Variants in SLC11A1 observed in about 807,000 individuals in gnomAD.
SLC11A1 encodes the protein solute carrier family 11 member 1.
In SLC11A1, 59 loss-of-function variants were observed where a neutral mutation model predicts 63.2. The ratio of observed to expected loss-of-function variants is 0.93; its 90% confidence interval spans 0.76 to 1.16. The LOEUF (loss-of-function observed/expected upper bound fraction) is 1.16, where lower values mean the gene tolerates loss of function less well. SLC11A1 is among the 50% of genes most tolerant of loss of function. The pLI, the probability that SLC11A1 is intolerant of heterozygous loss-of-function variation, is 0.00. For missense variants in SLC11A1, 688 were observed against 730.7 expected (o/e 0.94, Z 0.67); for synonymous variants, 305 against 307.8 (o/e 0.99, Z 0.09).
At position 218,387,473 on chromosome 2, in the gene SLC11A1, C is replaced by T. The variant is rs1696165373; in HGVS notation, c.572-92C>T. The T allele has an allele frequency of 6.8e-6, 9 of 1,328,338 alleles. No individual in the cohort carries two copies. In the South Asian group the frequency reaches 8.6e-5, roughly 13 times the overall value. The allele number at this position is 1,328,338 out of a possible 1,614,324, so 82.3% of individuals were successfully genotyped here. The stretch of plus-strand genomic sequence containing the variant: ...CATATGTTAAGCACTTGGCACTGTG[C>T]CTAGAAGCGCTCGTAGTATTAGCCA... On this transcript the variant is annotated intron_variant, in intron 6 of 14. Transcript: ENST00000233202.
rs903422554 is a variant in SLC11A1 at position 218,383,060 on chromosome 2, G to A, written c.108G>A (p.Glu36=). ...SPGPQQAPPR[E]TYLSEKIPIP... is the part of the protein sequence containing the mutation. ...GGCCACAGCAAGCACCTCCCAGAGA[G>A]ACCTACCTGAGTGAGAAGATCCCCA... The change falls in exon 2 of 15, where the codon GAG becomes GAA. Residue 36 remains glutamate, a synonymous_variant. Transcript: ENST00000233202. 1.2e-6 allele frequency: 2 copies of A among 1,614,036 alleles called. No homozygotes were observed. Among genetic ancestry groups the A allele is most frequent in the East Asian group, 4.5e-5 (2 of 44,866 alleles).
At position 218,391,636 on chromosome 2, in the gene SLC11A1, G is replaced by A; in HGVS notation, c.1164+141G>A. The A allele has an allele frequency of 2.6e-6, 3 of 1,162,042 alleles. No homozygotes were observed. The South Asian group carries it at 5.0e-5, about 19-fold the overall frequency. 72.0% of individuals were successfully genotyped at this position (1,162,042 alleles called of 1,614,324 possible). ...TTTTTTTGTTTTTGTTTTTGTTGTT[G>A]TTGTTGAGACGGAGTCTCGCTCTTG... On this transcript the variant is annotated intron_variant, in intron 11 of 14. Coordinates refer to ENST00000233202, the MANE Select transcript of SLC11A1 (RefSeq NM_000578.4).
At chr2:218,386,974 C>T (rs2106331283) in intron 5 of SLC11A1, 186 bp from the exon 6 acceptor site, 2 of 656,636 alleles carry the variant, frequency 3.0e-6, no homozygotes, top group Non-Finnish European at 2.7e-6. Flanking sequence ...GGTGCCAGGT[C>T]TCTCCTCTAG....
At chr2:218,382,911 G>A (rs375703624) in intron 1 of SLC11A1, 49 bp from the exon 2 acceptor site, 2 of 1,611,788 alleles carry the variant, frequency 1.2e-6, no homozygotes, top group African/African-American at 2.7e-5. Context: ...TTAACTCTGG[G>A]CCACCAGAAA....
At position 218,383,017 on chromosome 2, in the gene SLC11A1, C is replaced by A; in HGVS notation, c.65C>A (p.Thr22Asn). 6.2e-7 allele frequency: 1 copy of A among 1,612,912 alleles called. No individual in the cohort carries two copies. Among genetic ancestry groups the A allele is most frequent in the Non-Finnish European group, 8.5e-7 (1 of 1,179,996 alleles). The change falls in exon 2 of 15, where the codon ACC (threonine) becomes AAC (asparagine). Residue 22 changes from threonine to asparagine, a missense_variant. By Grantham distance (65) the Thr-to-Asn change is moderately conservative. Transcript: ENST00000233202. ...AGCTATGGTTCCATCTCCAGCCCGA[C>A]CAGCCCGACCAGCCCAGGGCCACAG... ...GSSYGSISSPTSPTSPGPQQA... is the reference protein window; with the variant it reads ...GSSYGSISSPNSPTSPGPQQA...
Position 218,393,039 on chromosome 2 carries a change from C to T in SLC11A1, c.1223C>T (p.Ala408Val). The change falls in exon 12 of 15, where the codon GCC becomes GTC. Residue 408 changes from alanine to valine, a missense_variant. Coordinates refer to ENST00000233202, the MANE Select transcript of SLC11A1 (RefSeq NM_000578.4). Reference protein sequence around the residue: ...FARVLLTRSCAILPTVLVAVF... With the variant: ...FARVLLTRSCVILPTVLVAVF... Reference sequence around the variant, plus strand: ...CGTGTCCTCCTCACCCGCTCCTGCGCCATCCTGCCCACCGTGCTCGTGGCT... The same window carrying T: ...CGTGTCCTCCTCACCCGCTCCTGCGTCATCCTGCCCACCGTGCTCGTGGCT... 1 of 1,600,594 alleles carries T rather than the reference C, an allele frequency of 6.2e-7. No homozygotes were observed.
In SLC11A1 at chr2:218,394,106, G is replaced by A; in HGVS notation, c.1315-14G>A. On this transcript the variant is annotated splice_polypyrimidine_tract_variant and intron_variant, in intron 12 of 14. Coordinates refer to ENST00000233202, the MANE Select transcript of SLC11A1 (RefSeq NM_000578.4). Reference sequence around the variant, plus strand: ...GCAGAATTCCTCAGCCTAGGCTCCTGCTGCTCTCCCCAGCTCCCGTTCGCC... The same window carrying A: ...GCAGAATTCCTCAGCCTAGGCTCCTACTGCTCTCCCCAGCTCCCGTTCGCC... 1.2e-6 allele frequency: 2 copies of A among 1,613,928 alleles called. No homozygotes were observed. Among genetic ancestry groups the A allele is most frequent in the Non-Finnish European group, 1.7e-6 (2 of 1,179,882 alleles).
In SLC11A1 at chr2:218,396,544, CCT is replaced by C. The variant is rs1344417093; in HGVS notation, c.*1512_*1513del. 2.0e-5 allele frequency: 3 copies of C among 152,504 alleles called. No individual in the cohort carries two copies. Among genetic ancestry groups the C allele is most frequent in the Middle Eastern group, 3.4e-3 (1 of 294 alleles). The allele number at this position is 152,504 out of a possible 1,614,324, so 9.4% of individuals were successfully genotyped here. On this transcript the variant is annotated 3_prime_UTR_variant, in exon 15 of 15. Coordinates refer to ENST00000233202, the MANE Select transcript of SLC11A1 (RefSeq NM_000578.4). ...GGACGCTTGTTTATGAGAAGAATTT[CCT>C]CTTTCTTAAAAGGGCAACGATGCGA...
At chr2:218,386,174 C>T (rs1350102690) in intron 4 of SLC11A1, among the ~76,000 whole-genome samples, 1 of 152,192 alleles carries the variant, frequency 6.6e-6, no homozygotes, top group Non-Finnish European at 1.5e-5. Context: ...TTATCTCAGC[C>T]TGGGGCGGTG....
intron 5 of SLC11A1, 35 bp downstream of exon 5, chr2:218,386,776 G>C (rs761891303): frequency 6.7e-7 from 1 of 1,503,704 alleles, no homozygotes; most frequent in East Asian, 2.3e-5. Flanking sequence ...CTTCAGGCCA[G>C]GCAGAGAACA....
At chr2:218,389,498 A>G (rs1696301565) in intron 8 of SLC11A1, among the ~76,000 whole-genome samples, 1 of 152,174 alleles carries the variant, frequency 6.6e-6, no homozygotes, top group Non-Finnish European at 1.5e-5. Flanking sequence ...GGCTGCAGTG[A>G]GCCATGCATT....
chr2:218,393,181 C>T lies in SLC11A1; in HGVS notation c.1314+51C>T, dbSNP rs140526013. On this transcript the variant is annotated intron_variant, in intron 12 of 14. Coordinates refer to ENST00000233202, the MANE Select transcript of SLC11A1 (RefSeq NM_000578.4). ...CTGCCCACTGCTGAGCGAAACAGGA[C>T]CTCCAGCAACCCCCACGCTGAGCCT... is the stretch of plus-strand genomic sequence containing the variant. The T allele has an allele frequency of 8.6e-3, 12,574 of 1,454,146 alleles. 75 individuals carry two copies. The highest frequency in any genetic ancestry group is 0.016 in the South Asian group (1,142 of 71,564). The allele number at this position is 1,454,146 out of a possible 1,614,324, so 90.1% of individuals were successfully genotyped here. A position where few individuals can be genotyped will look rare whatever the true frequency, so the allele number is the denominator to read the frequency against.
intron 6 of SLC11A1, 122 bp from the exon 7 acceptor site, chr2:218,387,443 G>A: frequency 1.9e-6 from 2 of 1,046,242 alleles, no homozygotes; most frequent in Non-Finnish European, 2.9e-6. Flanking sequence ...GACTGAGTGA[G>A]GTAACATATG....
chr2:218,384,538 G>GT lies in SLC11A1; in HGVS notation c.273+174dup. ...CCCTGCCAGAAGGTGGGGCATTTGT[G>GT]TGGGGGGTAGGGGACTGGACTCCTC... On this transcript the variant is annotated intron_variant, in intron 3 of 14. Transcript: ENST00000233202. The surrounding 1 kb of genome is among the most constrained non-coding windows in gnomAD (Gnocchi z 4.0). 1 of 497,840 alleles carries GT rather than the reference G, an allele frequency of 2.0e-6. No individual in the cohort carries two copies. The highest frequency in any genetic ancestry group is 3.4e-5 in the South Asian group (1 of 29,026). The allele number at this position is 497,840 out of a possible 1,614,324, so 30.8% of individuals were successfully genotyped here.
In SLC11A1 at chr2:218,384,500, G is replaced by A. The variant is rs1465288907; in HGVS notation, c.273+135G>A. Reference sequence around the variant, plus strand: ...TTAAGTTCAAATGGGCCCGAAAAGGGTCCCCAGGGCAGCCCTGCCAGAAGG... The same window carrying A: ...TTAAGTTCAAATGGGCCCGAAAAGGATCCCCAGGGCAGCCCTGCCAGAAGG... On this transcript the variant is annotated intron_variant, in intron 3 of 14. Coordinates refer to ENST00000233202, the MANE Select transcript of SLC11A1 (RefSeq NM_000578.4). The surrounding 1 kb of genome is among the most constrained non-coding windows in gnomAD (Gnocchi z 4.0). 3 of 1,097,530 alleles carry A rather than the reference G, an allele frequency of 2.7e-6. No homozygotes were observed. The highest frequency in any genetic ancestry group is 1.6e-5 in the African/African-American group (1 of 63,652). 68.0% of individuals were successfully genotyped at this position (1,097,530 alleles called of 1,614,324 possible).
intron 4 of SLC11A1, among the ~76,000 whole-genome samples, chr2:218,386,176 G>A (rs1022255046): frequency 1.3e-5 from 2 of 152,236 alleles, no homozygotes; most frequent in Non-Finnish European, 2.9e-5. Flanking sequence ...ATCTCAGCCT[G>A]GGGCGGTGGC....
At chr2:218,390,807 G>A (rs1274421200) in intron 9 of SLC11A1, among the ~76,000 whole-genome samples, 3 of 152,216 alleles carry the variant, frequency 2.0e-5, no homozygotes, top group Non-Finnish European at 2.9e-5. Context: ...CAGCTCTTAC[G>A]AACCTAAAAG....
rs368600034 is a variant in SLC11A1 at position 218,391,487 on chromosome 2, G to A, written c.1156G>A (p.Val386Met). Residue 386 changes from valine (V) to methionine (M), a missense_variant, in exon 11 of 15, where the codon GTG (valine) becomes ATG (methionine). Coordinates refer to ENST00000233202, the MANE Select transcript of SLC11A1 (RefSeq NM_000578.4). ...TMTGTYAGQF[V>M]MEGFLRLRWS... ...GACGGGCACCTACGCGGGACAGTTC[G>A]TGATGGAGGTAGGGCAGGGGGCGGG... The A allele has an allele frequency of 2.2e-5, 35 of 1,594,504 alleles. No homozygotes were observed. The highest frequency in any genetic ancestry group is 5.4e-5 in the African/African-American group (4 of 74,488).
At chr2:218,390,933 G>A (rs571330234) in intron 9 of SLC11A1, among the ~76,000 whole-genome samples, 21 of 152,202 alleles carry the variant, frequency 1.4e-4, no homozygotes, top group African/African-American at 3.9e-4. Context: ...TGTAATCCCA[G>A]CACTTTGGGA....
Sources: gnomAD v4.1 joint callset for allele counts (sites outside exome capture counted in the v4.1 genomes callset) on GRCh38, gnomAD v4.1.1 for gene constraint, Gnocchi (gnomAD v3.1) non-coding constraint, MANE v1.5 for transcripts, NCBI Gene and HGNC (gene_info 2026-07-23, HGNC 2026-07-21) for gene names.